DMD: variants seen among roughly 807,000 people sequenced by gnomAD.
DMD encodes the protein mutant dystrophin.
A neutral mutation model predicts 330.1 loss-of-function variants in DMD; 63 were observed. The ratio of observed to expected loss-of-function variants is 0.19; its 90% CI spans 0.16 to 0.24. The LOEUF is 0.24. Ranked by LOEUF, DMD falls within the 10% of genes least tolerant of loss-of-function variation. The pLI is 1.00. For missense variants in DMD, 3,344 were observed against 2,684.1 expected, an observed-to-expected ratio of 1.25 and a Z score of -5.43; for synonymous variants, 1,223 against 959.8, an observed-to-expected ratio of 1.27 and a Z score of -5.07.
At chrX:32,063,813 T>C (rs747133170) in intron 44 of DMD, among the ~76,000 whole-genome samples, 1 of 111,321 alleles carries the variant, frequency 9.0e-6, no homozygotes, top group African/African-American at 3.2e-5. Context: ...ACCTGGAAGT[T>C]AAAATGTTTG....
chrX:31,219,504 C>A (rs1446697653), intron 64 of DMD, among the ~76,000 whole-genome samples: 1 of 110,940 alleles, frequency 9.0e-6, no homozygotes, highest in Non-Finnish European at 1.9e-5. Flanking sequence ...AAAATGGAAG[C>A]CTTTATAGTA....
intron 20 of DMD, among the ~76,000 whole-genome samples, chrX:32,487,546 G>T (rs907542926): frequency 2.7e-5 from 3 of 111,321 alleles, no homozygotes; most frequent in African/African-American, 9.8e-5. Context: ...TATTTATGGA[G>T]GCATTCATAC....
chrX:31,951,124 T>TATATATATATAC (rs2095159246), intron 45 of DMD, among the ~76,000 whole-genome samples: 1 of 65,537 alleles, frequency 1.5e-5, no homozygotes, highest in Admixed American at 1.6e-4. Flanking sequence ...TATATATACA[T>TATATATATATAC]ATATATATAT....
chrX:32,477,405 A>G (rs2041347522), intron 21 of DMD, among the ~76,000 whole-genome samples: 2 of 111,143 alleles, frequency 1.8e-5, no homozygotes, highest in Admixed American at 1.9e-4. Flanking sequence ...GTAAAGGAAT[A>G]CAAAAAAGAA....
chrX:31,254,793 G>A (rs2049758380), intron 63 of DMD, among the ~76,000 whole-genome samples: 1 of 111,073 alleles, frequency 9.0e-6, no homozygotes, highest in Non-Finnish European at 1.9e-5. Context: ...GGATCTCAGA[G>A]CTGTGGGAGG....
chrX:32,122,458 C>A (rs1030499076), intron 44 of DMD, among the ~76,000 whole-genome samples: 1 of 111,866 alleles, frequency 8.9e-6, no homozygotes, highest in Non-Finnish European at 1.9e-5. Context: ...GACACTGATT[C>A]AATAGGTTTG....
rs1334022251 is a variant in DMD, at chrX:31,749,575, G to C, written c.7543-19827C>G. ...ACATTTGGGTTGGTTCCAAGTCTTTGCTATTGTAAATAGTGCCTCAATAAA... is the reference window on the plus strand; with the variant it reads ...ACATTTGGGTTGGTTCCAAGTCTTTCCTATTGTAAATAGTGCCTCAATAAA... On this transcript the variant is annotated intron_variant, in intron 51 of 78. Coordinates refer to ENST00000357033, the MANE Select transcript of DMD (RefSeq NM_004006.3). Among the ~76,000 whole-genome samples the C allele has an allele frequency of 5.5e-5, 6 of 110,054 alleles. No homozygotes were observed. In the East Asian group the frequency reaches 1.8e-3, roughly 32 times the overall value.
intron 7 of DMD, among the ~76,000 whole-genome samples, chrX:32,703,667 T>C (rs2064337347): frequency 9.0e-6 from 1 of 111,586 alleles, no homozygotes; most frequent in Non-Finnish European, 1.9e-5. Flanking sequence ...CTAAGGCCAA[T>C]TCCTGGCACT....
chrX:31,950,301 A>T (rs1363406185), intron 45 of DMD, among the ~76,000 whole-genome samples: 2 of 111,394 alleles, frequency 1.8e-5, no homozygotes, highest in Non-Finnish European at 3.8e-5. Context: ...ATATCTTCCA[A>T]ATTTCCTTCT....
At chrX:31,295,463 G>C (rs1172851893) in intron 62 of DMD, among the ~76,000 whole-genome samples, 1 of 110,644 alleles carries the variant, frequency 9.0e-6, no homozygotes, top group Non-Finnish European at 1.9e-5. Context: ...ACCCAGGCTA[G>C]AGTGCAATGG....
chrX:32,299,035 T>C (rs966440525), intron 42 of DMD, among the ~76,000 whole-genome samples: 1 of 110,565 alleles, frequency 9.0e-6, no homozygotes, highest in Non-Finnish European at 1.9e-5. Flanking sequence ...AGAGTATTTA[T>C]TTAACTAGAT....
chrX:31,664,215 A>G (rs1365077992), intron 53 of DMD, among the ~76,000 whole-genome samples: 1 of 111,151 alleles, frequency 9.0e-6, no homozygotes, highest in South Asian at 3.8e-4. Flanking sequence ...GGACTAGCCT[A>G]CTCATCTCAG....
intron 55 of DMD, among the ~76,000 whole-genome samples, chrX:31,613,680 A>G (rs1483916301): frequency 9.0e-6 from 1 of 111,338 alleles, no homozygotes; most frequent in African/African-American, 3.3e-5. Flanking sequence ...GGATGACTAA[A>G]GGACTTTGTA....
chrX:32,320,534 C>T lies in DMD; in HGVS notation c.5923-10258G>A, dbSNP rs761273513. ...TAGATATAGAACATTGCCATCATCTCAGAAAGTTCTATAGGACAGTGCTAA... is the reference window on the plus strand; with the variant it reads ...TAGATATAGAACATTGCCATCATCTTAGAAAGTTCTATAGGACAGTGCTAA... On this transcript the variant is annotated intron_variant, in intron 41 of 78. Transcript: ENST00000357033. Among the ~76,000 whole-genome samples the T allele has an allele frequency of 2.4e-4, 27 of 111,059 alleles. No homozygotes were observed. The South Asian group carries it at 0.01, about 42-fold the overall frequency.
rs184289745 is a variant in DMD, at chrX:32,512,091, T to C, written c.2292+5917A>G. ...TGCAAAATAAAAGGCAACTAAGTTA[T>C]ATAATATTCAATAAAAGGAAGAAAA... On this transcript the variant is annotated intron_variant, in intron 18 of 78. Coordinates refer to ENST00000357033, the MANE Select transcript of DMD (RefSeq NM_004006.3). Among the ~76,000 whole-genome samples, 116 of 111,972 alleles carry C rather than the reference T, an allele frequency of 1.0e-3. 1 individual carries two copies. Among genetic ancestry groups the C allele is most frequent in the African/African-American group, 3.4e-3 (106 of 30,881 alleles).
intron 44 of DMD, among the ~76,000 whole-genome samples, chrX:32,209,082 TATATTGGTGATCGAGAAA>T (rs1569550965): frequency 9.0e-6 from 1 of 111,639 alleles, no homozygotes; most frequent in African/African-American, 3.3e-5. Flanking sequence ...CGTACCGAGG[TATATTGGTGATCGAGAAA>T]GACCAAGTAC....
At chrX:32,816,401 A>G (rs1425142903) in intron 6 of DMD, 67 bp downstream of exon 6, 1 of 1,150,648 alleles carries the variant, frequency 8.7e-7, no homozygotes, top group African/African-American at 1.8e-5. Context: ...ATACTGGGGA[A>G]AAATATGTCA....
chrX:31,235,242 T>G (rs1030038613), intron 63 of DMD, among the ~76,000 whole-genome samples: 2 of 111,687 alleles, frequency 1.8e-5, no homozygotes, highest in Non-Finnish European at 3.8e-5. Context: ...AGTTTATATG[T>G]CAACCGCAAA....
intron 2 of DMD, among the ~76,000 whole-genome samples, chrX:32,926,587 T>C (rs2089034126): frequency 9.1e-6 from 1 of 109,726 alleles, no homozygotes; most frequent in Admixed American, 9.7e-5. Flanking sequence ...CCGTCTCTAC[T>C]AAAACACACA....
Sources: allele counts gnomAD v4.1 joint callset (sites outside exome capture counted in the v4.1 genomes callset), GRCh38; gene constraint gnomAD v4.1.1; transcripts MANE v1.5; gene names NCBI Gene and HGNC (gene_info 2026-07-23, HGNC 2026-07-21).